NMD3: variants seen among roughly 807,000 people sequenced by gnomAD.
The protein encoded by NMD3 is NMD3 ribosome export adaptor, also known as 60S ribosomal export protein NMD3.
A neutral mutation model predicts 73.1 loss-of-function variants in NMD3; 47 were observed. The ratio of observed to expected loss-of-function variants is 0.64; its 90% CI spans 0.51 to 0.82. NMD3 has a LOEUF of 0.82. Among genes scored for constraint, NMD3 ranks in the 40% least tolerant of loss-of-function variants. The probability of loss-of-function intolerance (pLI) is 0.00; values close to 1 mark genes in which losing one functional copy is unlikely to be tolerated. For missense variants in NMD3, 554 were observed against 612.5 expected (o/e 0.90, Z 1.01); for synonymous variants, 210 against 194.5 (o/e 1.08, Z -0.66).
chr3:161,241,382 A>C (rs903589399), intron 10 of NMD3, among the ~76,000 whole-genome samples: 2 of 139,998 alleles, frequency 1.4e-5, no homozygotes, highest in Non-Finnish European at 3.1e-5. Flanking sequence ...ATTTTTACAT[A>C]TTTACTGGTT....
chr3:161,250,423 G>T, intron 15 of NMD3, 97 bp downstream of exon 15: 1 of 709,698 alleles, frequency 1.4e-6, no homozygotes, highest in East Asian at 2.8e-5. Context: ...TCTCATAAAT[G>T]TCTTTAATTG....
At chr3:161,243,984 C>A (rs543177195) in intron 11 of NMD3, among the ~76,000 whole-genome samples, 1 of 151,976 alleles carries the variant, frequency 6.6e-6, no homozygotes, top group Admixed American at 6.6e-5. Flanking sequence ...TAATTCTTGC[C>A]CATAAATTAA....
At chr3:161,235,051 AGTAT>A in intron 6 of NMD3, 67 bp from the exon 7 acceptor site, 4 of 858,960 alleles carry the variant, frequency 4.7e-6, no homozygotes, top group Non-Finnish European at 7.5e-6. Flanking sequence ...ATCTGTAGAT[AGTAT>A]GTGTGTCCTA....
intron 4 of NMD3, among the ~76,000 whole-genome samples, chr3:161,228,386 T>A (rs1012236384): frequency 3.9e-5 from 6 of 152,192 alleles, no homozygotes; most frequent in African/African-American, 1.4e-4. Context: ...TTTTGGTTTT[T>A]TTCGCTCCCC....
intron 10 of NMD3, among the ~76,000 whole-genome samples, chr3:161,241,666 G>T (rs897988271): frequency 1.3e-5 from 2 of 151,976 alleles, no homozygotes; most frequent in Non-Finnish European, 2.9e-5. Flanking sequence ...TGATCTGCCC[G>T]CCTCGGCCTC....
chr3:161,236,164 A>G (rs1046949684), intron 7 of NMD3, among the ~76,000 whole-genome samples: 3 of 152,010 alleles, frequency 2.0e-5, no homozygotes, highest in African/African-American at 4.8e-5. Flanking sequence ...CCCATTGCAT[A>G]TTTTATTTGC....
rs1736255985 is a variant in NMD3, at chr3:161,224,989, G to C, written c.104G>C (p.Cys35Ser). Residue 35 changes from cysteine (C) to serine (S), a missense_variant, in exon 3 of 16, where the codon TGT becomes TCT. Cys to Ser is a moderately radical substitution (Grantham distance 112). Transcript: ENST00000351193. ...SPNPANICVACLRSKVDISQG... is the reference protein window; with the variant it reads ...SPNPANICVASLRSKVDISQG... The stretch of plus-strand genomic sequence containing the variant: ...AATCCTGCCAATATTTGTGTGGCCT[G>C]TTTGCGAAGTAAAGTGGACATCAGC... 1 of 1,613,844 alleles carries C rather than the reference G, an allele frequency of 6.2e-7. No individual in the cohort carries two copies. Among genetic ancestry groups the C allele is most frequent in the Non-Finnish European group, 8.5e-7 (1 of 1,179,956 alleles).
intron 4 of NMD3, among the ~76,000 whole-genome samples, chr3:161,229,074 A>G (rs1736437899): frequency 1.3e-5 from 2 of 152,190 alleles, no homozygotes; most frequent in Non-Finnish European, 2.9e-5. Flanking sequence ...AAGCAAGAGC[A>G]TACTTGTGTG....
rs572184978 is a variant in NMD3 at position 161,224,954 on chromosome 3, G to A, written c.69G>A (p.Pro23=). ...GCTTGTGCTGTGAGTGTGGTGTTCC[G>A]ATAAGTCCAAATCCTGCCAATATTT... The part of the protein sequence containing the change: ...GHILCCECGV[P]ISPNPANICV... Residue 23 remains proline (P), a synonymous_variant, in exon 3 of 16, where the codon CCG becomes CCA. Coordinates refer to ENST00000351193, the MANE Select transcript of NMD3 (RefSeq NM_015938.5). 6.2e-6 allele frequency: 10 copies of A among 1,612,866 alleles called. No individual in the cohort carries two copies. Among genetic ancestry groups the A allele is most frequent in the East Asian group, 2.2e-5 (1 of 44,794 alleles).
chr3:161,240,526 A>ATTTTTTTTTT (rs539406360), intron 9 of NMD3, among the ~76,000 whole-genome samples: 27,740 of 110,414 alleles, frequency 0.25, 4,870 homozygotes, highest in East Asian at 0.52. Flanking sequence ...TGGGCCCTGG[A>ATTTTTTTTTT]TTTTTTTTTT....
intron 15 of NMD3, among the ~76,000 whole-genome samples, chr3:161,250,562 C>G (rs1737443191): frequency 6.6e-6 from 1 of 152,092 alleles, no homozygotes; most frequent in African/African-American, 2.4e-5. Flanking sequence ...TTAAGTTGCT[C>G]ACTCCTATAG....
At chr3:161,232,455 G>A (rs888573588) in intron 4 of NMD3, among the ~76,000 whole-genome samples, 1 of 151,866 alleles carries the variant, frequency 6.6e-6, no homozygotes, top group African/African-American at 2.4e-5. Context: ...AGTCCTCTTG[G>A]GTATCTCACA....
Position 161,251,182 on chromosome 3 carries a change from C to A in NMD3, c.*272C>A. On this transcript the variant is annotated 3_prime_UTR_variant, in exon 16 of 16. Coordinates refer to ENST00000351193, the MANE Select transcript of NMD3 (RefSeq NM_015938.5). ...TATCACTGTGCTTTTTTATATGAGG[C>A]ACTGTAGTATTTTCACATAGTATAG... 1 of 259,814 alleles carries A rather than the reference C, an allele frequency of 3.8e-6. No homozygotes were observed. Among genetic ancestry groups the A allele is most frequent in the Non-Finnish European group, 7.4e-6 (1 of 134,998 alleles). The allele number at this position is 259,814 out of a possible 1,614,324, so 16.1% of individuals were successfully genotyped here. A position where few individuals can be genotyped will look rare whatever the true frequency, so the allele number is the denominator to read the frequency against.
At position 161,227,299 on chromosome 3, in the gene NMD3, C is replaced by CTT; in HGVS notation, c.233_234dup (p.Leu79PhefsTer6). The stretch of plus-strand genomic sequence containing the variant: ...ACAGTGTGCTTTAGAATCCAGGGAA[C>CTT]TTCTTGCTTTGTGCTTGAAAAAAAT... On this transcript the variant is annotated frameshift_variant, in exon 4 of 16. Transcript: ENST00000351193. LOFTEE classifies it high-confidence loss of function. The CTT allele has an allele frequency of 6.2e-7, 1 of 1,607,962 alleles. No individual in the cohort carries two copies. The highest frequency in any genetic ancestry group is 8.5e-7 in the Non-Finnish European group (1 of 1,176,584).
chr3:161,223,516 T>G (rs919770897), intron 2 of NMD3, among the ~76,000 whole-genome samples: 23 of 152,094 alleles, frequency 1.5e-4, no homozygotes, highest in African/African-American at 5.3e-4. Context: ...TTAATTGCCT[T>G]TGGAGTATAT....
At chr3:161,227,145 A>G in intron 3 of NMD3, 102 bp from the exon 4 acceptor site, 2 of 692,446 alleles carry the variant, frequency 2.9e-6, no homozygotes, top group East Asian at 2.7e-5. Flanking sequence ...CTTGGGTTTT[A>G]TTATGCCTGG....
intron 13 of NMD3, among the ~76,000 whole-genome samples, chr3:161,247,795 A>AG (rs1737288790): frequency 1.3e-5 from 2 of 151,380 alleles, no homozygotes; most frequent in African/African-American, 4.9e-5. Context: ...GTCTCAAAAA[A>AG]AAAAAAAAGA....
chr3:161,246,569 G>A (rs1307727218), intron 12 of NMD3, 121 bp downstream of exon 12: 2 of 432,742 alleles, frequency 4.6e-6, no homozygotes, highest in Non-Finnish European at 8.4e-6. Flanking sequence ...GTTCTTAGGA[G>A]CCTTATAACT....
In NMD3 at chr3:161,251,805, A is replaced by G; in HGVS notation, c.*895A>G. The G allele has an allele frequency of 6.6e-6, 1 of 152,252 alleles. No individual in the cohort carries two copies. The highest frequency in any genetic ancestry group is 1.9e-4 in the East Asian group (1 of 5,202). The allele number at this position is 152,252 out of a possible 1,614,324, so 9.4% of individuals were successfully genotyped here. On this transcript the variant is annotated 3_prime_UTR_variant, in exon 16 of 16. Coordinates refer to ENST00000351193, the MANE Select transcript of NMD3 (RefSeq NM_015938.5). ...CTAATAAAAATGAGGTACATACTTT[A>G]TAAAACCATTAATCAGATTTGAATG...
Sources: gnomAD v4.1 joint callset for allele counts (sites outside exome capture counted in the v4.1 genomes callset) on GRCh38, gnomAD v4.1.1 for gene constraint, MANE v1.5 for transcripts, NCBI Gene and HGNC (gene_info 2026-07-23, HGNC 2026-07-21) for gene names.